Variants in CNTNAP2 observed in about 807,000 individuals in gnomAD.
CNTNAP2 encodes the protein contactin associated protein 2.
A neutral mutation model predicts 155.2 loss-of-function variants in CNTNAP2; 98 were observed. That is an observed-to-expected ratio of 0.63 (90% CI 0.54 to 0.75). CNTNAP2 has a LOEUF of 0.75. CNTNAP2 is among the 30% of genes least tolerant of loss of function. The pLI, the probability that CNTNAP2 is intolerant of heterozygous loss-of-function variation, is 0.00. For missense variants in CNTNAP2, 1,727 were observed against 1,688.1 expected (o/e 1.02, Z -0.40); for synonymous variants, 651 against 631.2 (o/e 1.03, Z -0.47).
chr7:147,959,849 A>G (rs1801085605), intron 14 of CNTNAP2, among the ~76,000 whole-genome samples: 1 of 152,130 alleles, frequency 6.6e-6, no homozygotes, highest in Admixed American at 6.6e-5. Context: ...TCTGGAGTCG[A>G]GTCCCAGTTG....
intron 9 of CNTNAP2, among the ~76,000 whole-genome samples, chr7:147,328,622 C>A (rs781526398): frequency 2.6e-5 from 4 of 152,160 alleles, no homozygotes; most frequent in Non-Finnish European, 5.9e-5. Flanking sequence ...ATTAATGAAG[C>A]AAACGGGTTG....
intron 2 of CNTNAP2, among the ~76,000 whole-genome samples, chr7:146,828,366 T>C (rs1803447037): frequency 6.6e-6 from 1 of 152,050 alleles, no homozygotes; most frequent in African/African-American, 2.4e-5. Flanking sequence ...TGCTAATGAT[T>C]GTAACATAAT....
chr7:146,734,808 C>T (rs1485935019), intron 1 of CNTNAP2, among the ~76,000 whole-genome samples: 1 of 152,150 alleles, frequency 6.6e-6, no homozygotes, highest in Non-Finnish European at 1.5e-5. Context: ...ATATCCTCTC[C>T]TCAAGGAATC....
chr7:147,331,700 C>G (rs539913957), intron 9 of CNTNAP2, among the ~76,000 whole-genome samples: 1 of 152,224 alleles, frequency 6.6e-6, no homozygotes, highest in East Asian at 1.9e-4. Flanking sequence ...GAGAGAGGGT[C>G]AAGCAGTTGC....
At chr7:148,271,870 A>G (rs1167805305) in intron 21 of CNTNAP2, among the ~76,000 whole-genome samples, 1 of 152,136 alleles carries the variant, frequency 6.6e-6, no homozygotes, top group Non-Finnish European at 1.5e-5. Flanking sequence ...TGAACTTGCA[A>G]CTGATATGTA....
intron 14 of CNTNAP2, among the ~76,000 whole-genome samples, chr7:147,947,098 A>T (rs773341343): frequency 6.6e-6 from 1 of 152,112 alleles, no homozygotes; most frequent in Non-Finnish European, 1.5e-5. Flanking sequence ...TGAGTGGTTG[A>T]GCTTCACTGT....
In CNTNAP2 at chr7:146,878,477, CT is replaced by C. The variant is rs1477031498; in HGVS notation, c.402+38574del. Among the ~76,000 whole-genome samples, 27 of 151,670 alleles carry C rather than the reference CT, an allele frequency of 1.8e-4. No individual in the cohort carries two copies. In the East Asian group the frequency reaches 5.2e-3, roughly 29 times the overall value. The stretch of plus-strand genomic sequence containing the variant: ...TTTTTTTAATAAGATTATACCAGCC[CT>C]ATGTTTATGTTAGAAAAGATGACCT... On this transcript the variant is annotated intron_variant, in intron 3 of 23. Transcript: ENST00000361727.
chr7:147,177,429 G>T (rs1017957077), intron 8 of CNTNAP2, among the ~76,000 whole-genome samples: 47 of 152,118 alleles, frequency 3.1e-4, no homozygotes, highest in African/African-American at 1.0e-3. Flanking sequence ...GGTGCCTTCC[G>T]CCGTGATTCT....
chr7:146,359,393 G>A (rs10245855), intron 1 of CNTNAP2, among the ~76,000 whole-genome samples: 7,428 of 152,184 alleles, frequency 0.049, 269 homozygotes, highest in Middle Eastern at 0.099. Flanking sequence ...TGGCTTCCAC[G>A]ATCTCTAAAG....
At chr7:146,798,881 T>C (rs1802818345) in intron 2 of CNTNAP2, among the ~76,000 whole-genome samples, 1 of 152,222 alleles carries the variant, frequency 6.6e-6, no homozygotes, top group African/African-American at 2.4e-5. Flanking sequence ...GCCTCCAACC[T>C]GTTCTAGCCA....
chr7:148,248,448 C>T (rs557842487), intron 20 of CNTNAP2, among the ~76,000 whole-genome samples: 8 of 152,280 alleles, frequency 5.3e-5, no homozygotes, highest in Admixed American at 1.3e-4. Context: ...CTGCCTGCCT[C>T]GGCCTTCCAA....
At chr7:146,720,989 G>GTC (rs1233899873) in intron 1 of CNTNAP2, among the ~76,000 whole-genome samples, 3,396 of 96,234 alleles carry the variant, frequency 0.035, 202 homozygotes, top group African/African-American at 0.22. Flanking sequence ...TATATATACT[G>GTC]TATATATATA....
chr7:146,732,771 T>A (rs1354778820), intron 1 of CNTNAP2, among the ~76,000 whole-genome samples: 1 of 152,136 alleles, frequency 6.6e-6, no homozygotes, highest in Non-Finnish European at 1.5e-5. Context: ...GTATTTTCTA[T>A]AACCTGCACA....
At chr7:146,283,332 C>T (rs1356916435) in intron 1 of CNTNAP2, among the ~76,000 whole-genome samples, 1 of 151,922 alleles carries the variant, frequency 6.6e-6, no homozygotes, top group Admixed American at 6.5e-5. Flanking sequence ...ATTTATACTA[C>T]TAACATCATG....
At chr7:148,194,426 C>A (rs1795243766) in intron 18 of CNTNAP2, among the ~76,000 whole-genome samples, 1 of 152,046 alleles carries the variant, frequency 6.6e-6, no homozygotes, top group South Asian at 2.1e-4. Flanking sequence ...TTTCTTTCCC[C>A]AATTATCTTG....
At chr7:146,235,009 A>G (rs925587005) in intron 1 of CNTNAP2, among the ~76,000 whole-genome samples, 3 of 152,168 alleles carry the variant, frequency 2.0e-5, no homozygotes, top group Admixed American at 6.5e-5. Context: ...GGGACAAAGT[A>G]TGGACCTCTG....
chr7:147,621,493 T>C (rs1031580476), intron 12 of CNTNAP2, among the ~76,000 whole-genome samples: 2 of 151,982 alleles, frequency 1.3e-5, no homozygotes, highest in Non-Finnish European at 2.9e-5. Context: ...AGCAGAAGGA[T>C]AGAGGTAAGG....
At chr7:146,331,551 G>A (rs1430273778) in intron 1 of CNTNAP2, among the ~76,000 whole-genome samples, 1 of 151,624 alleles carries the variant, frequency 6.6e-6, no homozygotes, top group African/African-American at 2.4e-5. Flanking sequence ...TCCTCCAGGG[G>A]TCCTCCAGGT....
intron 1 of CNTNAP2, among the ~76,000 whole-genome samples, chr7:146,616,345 AAGAG>A (rs1219159758): frequency 3.9e-5 from 6 of 152,166 alleles, no homozygotes; most frequent in Admixed American, 2.0e-4. Flanking sequence ...AGCTCTTTGA[AAGAG>A]AGAGATGAAT....
Sources: gnomAD v4.1 joint callset for allele counts (sites outside exome capture counted in the v4.1 genomes callset) on GRCh38, gnomAD v4.1.1 for gene constraint, MANE v1.5 for transcripts, NCBI Gene and HGNC (gene_info 2026-07-23, HGNC 2026-07-21) for gene names.